MGLL: variants seen among roughly 807,000 people sequenced by gnomAD.
MGLL encodes monoglyceride lipase.
MGLL carries 7 observed loss-of-function variants against 29.1 expected under a neutral mutation model. The ratio of observed to expected loss-of-function variants is 0.24; its 90% confidence interval spans 0.14 to 0.45. MGLL has a LOEUF of 0.45. Among genes scored for constraint, MGLL ranks in the 20% least tolerant of loss-of-function variants. MGLL has a pLI of 0.99. For synonymous variants in MGLL, 148 were observed against 168.3 expected (o/e 0.88, Z 0.93); for missense variants, 356 against 413.6 (o/e 0.86, Z 1.21).
At chr3:127,810,679 G>T (rs2077646770) in intron 2 of MGLL, among the ~76,000 whole-genome samples, 3 of 152,182 alleles carry the variant, frequency 2.0e-5, no homozygotes, top group Admixed American at 2.0e-4. Context: ...ATGAGACCTG[G>T]CATACACGAG....
At chr3:127,700,108 T>C (rs2075449868) in intron 6 of MGLL, among the ~76,000 whole-genome samples, 1 of 152,186 alleles carries the variant, frequency 6.6e-6, no homozygotes. Flanking sequence ...TCTTAATCCA[T>C]CCATTTCCAA....
chr3:127,762,345 T>C (rs1358176376), intron 3 of MGLL, among the ~76,000 whole-genome samples: 3 of 152,178 alleles, frequency 2.0e-5, no homozygotes, highest in Admixed American at 6.5e-5. Flanking sequence ...ACATGCTGTT[T>C]GAGCTCCCAC....
intron 2 of MGLL, among the ~76,000 whole-genome samples, chr3:127,791,933 T>G (rs913336169): frequency 3.3e-5 from 5 of 152,268 alleles, no homozygotes; most frequent in Admixed American, 1.3e-4. Context: ...CCGGGCATGG[T>G]GATGAGTGCT....
At chr3:127,773,780 C>T (rs1012413061) in intron 3 of MGLL, among the ~76,000 whole-genome samples, 3 of 152,152 alleles carry the variant, frequency 2.0e-5, no homozygotes, top group Non-Finnish European at 4.4e-5. Context: ...TTGGGCCTTC[C>T]CTGTCTCTCA....
intron 5 of MGLL, among the ~76,000 whole-genome samples, chr3:127,715,036 C>G (rs530942779): frequency 6.6e-6 from 1 of 152,334 alleles, no homozygotes; most frequent in East Asian, 1.9e-4. Context: ...GGATCTGTAG[C>G]TTCACAGGGC....
intron 2 of MGLL, among the ~76,000 whole-genome samples, chr3:127,788,023 G>A (rs966849242): frequency 3.3e-5 from 5 of 152,172 alleles, no homozygotes; most frequent in African/African-American, 1.2e-4. Flanking sequence ...GACAGTGCAC[G>A]GGAGACAGAA....
At chr3:127,718,158 G>T (rs1011153063) in intron 5 of MGLL, among the ~76,000 whole-genome samples, 1 of 152,022 alleles carries the variant, frequency 6.6e-6, no homozygotes, top group East Asian at 1.9e-4. Flanking sequence ...ACATTGCAGG[G>T]GGTGGGGGCT....
intron 6 of MGLL, among the ~76,000 whole-genome samples, 191 bp downstream of exon 6, chr3:127,710,385 G>C (rs1223352978): frequency 2.0e-5 from 3 of 152,170 alleles, no homozygotes; most frequent in Admixed American, 2.0e-4. Flanking sequence ...CACAGCTCAG[G>C]CATCATAGCC....
chr3:127,783,143 C>CAAAAAAAAAA (rs72041528), intron 2 of MGLL, among the ~76,000 whole-genome samples: 3 of 63,926 alleles, frequency 4.7e-5, no homozygotes, highest in Admixed American at 2.2e-4. Flanking sequence ...GACTCTGTCT[C>CAAAAAAAAAA]AAAAAAAAAA....
At chr3:127,719,530 T>A (rs1222888460) in intron 5 of MGLL, among the ~76,000 whole-genome samples, 4 of 152,232 alleles carry the variant, frequency 2.6e-5, no homozygotes, top group Non-Finnish European at 1.5e-5. Flanking sequence ...GCACAGTGCA[T>A]GCCTGGCATT....
At chr3:127,784,122 G>T (rs1292817963) in intron 2 of MGLL, 1 of 152,198 alleles carries the variant, frequency 6.6e-6, no homozygotes, top group Admixed American at 6.5e-5. Flanking sequence ...GCCTGGAATT[G>T]CCTGTCAAGA....
At chr3:127,729,325 A>C (rs1014027539) in intron 3 of MGLL, among the ~76,000 whole-genome samples, 2 of 152,222 alleles carry the variant, frequency 1.3e-5, no homozygotes, top group Non-Finnish European at 2.9e-5. Flanking sequence ...TTAAATGTAC[A>C]GTTTAGTGGT....
At chr3:127,808,602 G>A (rs1258943332) in intron 2 of MGLL, among the ~76,000 whole-genome samples, 1 of 152,228 alleles carries the variant, frequency 6.6e-6, no homozygotes, top group Non-Finnish European at 1.5e-5. Context: ...CACATGGGCT[G>A]AAAGTAGAGG....
intron 3 of MGLL, among the ~76,000 whole-genome samples, chr3:127,781,488 G>A (rs558435245): frequency 6.6e-6 from 1 of 152,296 alleles, no homozygotes; most frequent in South Asian, 2.1e-4. Flanking sequence ...GGCCCATTTT[G>A]AGAGAAAGCA....
chr3:127,708,033 G>A (rs192072814), intron 6 of MGLL, among the ~76,000 whole-genome samples: 34 of 152,280 alleles, frequency 2.2e-4, no homozygotes, highest in African/African-American at 7.9e-4. Flanking sequence ...CCGGCCAGTG[G>A]CCCATCCCCC....
At chr3:127,779,132 G>A (rs191166891) in intron 3 of MGLL, among the ~76,000 whole-genome samples, 171 of 145,146 alleles carry the variant, frequency 1.2e-3, no homozygotes, top group African/African-American at 3.8e-3. Flanking sequence ...TTGGGAGGCC[G>A]AGGAGAGTGG....
intron 2 of MGLL, among the ~76,000 whole-genome samples, chr3:127,802,488 G>A (rs114855951): frequency 1.5e-3 from 223 of 152,282 alleles, no homozygotes; most frequent in African/African-American, 5.2e-3. Context: ...TGCCAGTGGG[G>A]TGAGATGGAT....
intron 5 of MGLL, chr3:127,713,270 T>C (rs1210327876): frequency 6.6e-6 from 1 of 152,272 alleles, no homozygotes; most frequent in Non-Finnish European, 1.5e-5. Context: ...AGTGGAGCCC[T>C]GGCATCAGTG....
intron 5 of MGLL, among the ~76,000 whole-genome samples, chr3:127,720,148 G>T (rs972466400): frequency 6.6e-6 from 1 of 152,184 alleles, no homozygotes; most frequent in African/African-American, 2.4e-5. Context: ...CAGTTCATAG[G>T]GTAAGCCTGT....
Sources: allele counts gnomAD v4.1 joint callset (sites outside exome capture counted in the v4.1 genomes callset), GRCh38; gene constraint gnomAD v4.1.1; transcripts MANE v1.5; gene names NCBI Gene and HGNC (gene_info 2026-07-23, HGNC 2026-07-21).